Variants in ESYT3 observed in about 807,000 individuals in gnomAD.
The protein encoded by ESYT3 is extended synaptotagmin-3.
In ESYT3, 101 loss-of-function variants were observed where a neutral mutation model predicts 111.5. The ratio of observed to expected loss-of-function variants is 0.91; its 90% CI spans 0.77 to 1.07. The LOEUF is 1.07. ESYT3 is among the 50% of genes least tolerant of loss of function. The pLI is 0.00. For synonymous variants in ESYT3, 416 were observed against 446.8 expected, an observed-to-expected ratio of 0.93 and a Z score of 0.87; for missense variants, 1,097 against 1,109.4, an observed-to-expected ratio of 0.99 and a Z score of 0.16.
chr3:138,470,604 A>G, intron 16 of ESYT3: 12 of 1,229,550 alleles, frequency 9.8e-6, no homozygotes, highest in Non-Finnish European at 1.2e-5. Context: ...AGAGCAGCAC[A>G]GCTCATCAGT....
chr3:138,469,032 C>A, intron 14 of ESYT3, 151 bp downstream of exon 14: 1 of 841,724 alleles, frequency 1.2e-6, no homozygotes. Context: ...TACTGTGTGC[C>A]AGGCACTAGG....
chr3:138,474,564 T>G (rs1160666689), intron 20 of ESYT3: 1 of 455,042 alleles, frequency 2.2e-6, no homozygotes, highest in African/African-American at 2.0e-5. Context: ...TTACTGCTCA[T>G]AGAGGCTAAA....
chr3:138,464,450 C>T lies in ESYT3; in HGVS notation c.1021C>T (p.Leu341=), dbSNP rs1412425122. ...SDPYAKVSIG[L]QHFRSRTIYR... Reference sequence around the variant, plus strand: ...TCCCTACGCCAAGGTGAGCATCGGCCTACAGCATTTCCGGAGTAGGACCAT... The same window carrying T: ...TCCCTACGCCAAGGTGAGCATCGGCTTACAGCATTTCCGGAGTAGGACCAT... The change falls in exon 9 of 23, where the codon CTA becomes TTA. Residue 341 remains leucine (L), a synonymous_variant. Coordinates refer to ENST00000389567, the MANE Select transcript of ESYT3 (RefSeq NM_031913.5). 3.7e-6 allele frequency: 6 copies of T among 1,614,028 alleles called. No homozygotes were observed. Among genetic ancestry groups the T allele is most frequent in the African/African-American group, 1.3e-5 (1 of 74,920 alleles).
At chr3:138,464,630 T>A in intron 9 of ESYT3, 115 bp downstream of exon 9, 1 of 1,139,990 alleles carries the variant, frequency 8.8e-7, no homozygotes, top group Non-Finnish European at 1.3e-6. Flanking sequence ...TCTGTGGAAT[T>A]CCTGCTCCTG....
In ESYT3 at chr3:138,472,918, G is replaced by T. The variant is rs1209123203; in HGVS notation, c.2237+59G>T. The T allele has an allele frequency of 1.2e-5, 18 of 1,549,628 alleles. No individual in the cohort carries two copies. In the East Asian group the frequency reaches 3.6e-4, roughly 31 times the overall value. On this transcript the variant is annotated intron_variant, in intron 18 of 22. Coordinates refer to ENST00000389567, the MANE Select transcript of ESYT3 (RefSeq NM_031913.5). ...CGCCTGTATGAAAAATACCTCGCTG[G>T]ATGGAAAAGTAGATATGAACTTACA...
At position 138,466,334 on chromosome 3, in the gene ESYT3, A is replaced by T. The variant is rs1040277550; in HGVS notation, c.1169+913A>T. On this transcript the variant is annotated intron_variant, in intron 10 of 22. Coordinates refer to ENST00000389567, the MANE Select transcript of ESYT3 (RefSeq NM_031913.5). ...GATCATGTAATTTTGAAAAGTAGAA[A>T]CAAAACAAACTGGGAGGGGGCACAA... is the stretch of plus-strand genomic sequence containing the variant. Among the ~76,000 whole-genome samples, 4 of 152,360 alleles carry T rather than the reference A, an allele frequency of 2.6e-5. No homozygotes were observed. In the South Asian group the frequency reaches 8.3e-4, roughly 32 times the overall value.
At position 138,459,937 on chromosome 3, in the gene ESYT3, C is replaced by T. The variant is rs2032528211; in HGVS notation, c.649-8C>T. ...TGGGCCCCTCACGGGCCCTCTGTGC[C>T]TATCCAGTTGCAGGGCACCCTGCGG... On this transcript the variant is annotated splice_polypyrimidine_tract_variant and splice_region_variant and intron_variant, in intron 5 of 22. Coordinates refer to ENST00000389567, the MANE Select transcript of ESYT3 (RefSeq NM_031913.5). The T allele has an allele frequency of 2.5e-6, 4 of 1,613,464 alleles. No individual in the cohort carries two copies. The highest frequency in any genetic ancestry group is 3.4e-6 in the Non-Finnish European group (4 of 1,179,604).
intron 8 of ESYT3, 64 bp from the exon 9 acceptor site, chr3:138,464,281 T>C (rs1408812364): frequency 2.5e-6 from 4 of 1,574,920 alleles, no homozygotes; most frequent in Non-Finnish European, 3.5e-6. Context: ...GTTTTAGCTC[T>C]GATACTCCAG....
chr3:138,473,202 G>T, intron 18 of ESYT3: 1 of 1,079,614 alleles, frequency 9.3e-7, no homozygotes, highest in Non-Finnish European at 1.2e-6. Flanking sequence ...TTTACTATGG[G>T]CTTAGCATGT....
chr3:138,448,014 T>C (rs939702747), intron 1 of ESYT3, among the ~76,000 whole-genome samples: 17 of 151,990 alleles, frequency 1.1e-4, no homozygotes, highest in African/African-American at 3.6e-4. Context: ...ATGCCTGTAA[T>C]CCCAACGCGT....
Position 138,468,051 on chromosome 3 carries a change from A to C in ESYT3, c.1219-54A>C. 5.3e-6 allele frequency: 8 copies of C among 1,522,266 alleles called. No individual in the cohort carries two copies. The South Asian group carries it at 9.0e-5, about 17-fold the overall frequency. The allele number at this position is 1,522,266 out of a possible 1,614,324, so 94.3% of individuals were successfully genotyped here. On this transcript the variant is annotated intron_variant, in intron 11 of 22. Transcript: ENST00000389567. ...CTCAGGACTGGGCTGCCCAGAGAGC[A>C]TCAGTAGCATCTCCCTGGCCCTTTT...
At chr3:138,459,710 A>G (rs1232567722) in intron 5 of ESYT3, among the ~76,000 whole-genome samples, 1 of 152,222 alleles carries the variant, frequency 6.6e-6, no homozygotes, top group Non-Finnish European at 1.5e-5. Context: ...CACCCGTGGA[A>G]GGCAGTGGGG....
At chr3:138,456,035 G>A (rs539723990) in intron 3 of ESYT3, among the ~76,000 whole-genome samples, 1 of 152,212 alleles carries the variant, frequency 6.6e-6, no homozygotes, top group Non-Finnish European at 1.5e-5. Flanking sequence ...TCCCAGCAAC[G>A]AGCAGGTGTC....
intron 13 of ESYT3, 29 bp from the exon 14 acceptor site, chr3:138,468,790 G>A (rs1393517012): frequency 6.2e-7 from 1 of 1,613,992 alleles, no homozygotes; most frequent in African/African-American, 1.3e-5. Flanking sequence ...GTCCTGTGTT[G>A]CTTTAACCCC....
At chr3:138,471,048 G>C (rs1023583211) in intron 17 of ESYT3, 22 bp downstream of exon 17, 3 of 1,599,634 alleles carry the variant, frequency 1.9e-6, no homozygotes, top group East Asian at 2.2e-5. Context: ...CGGTCCCCTG[G>C]GGGAGGGGAG....
rs747967272 is a variant in ESYT3, at chr3:138,467,621, G to T, written c.1218+12G>T. ...GAGTGGTGGATGAGGTACAGTTGGT[G>T]CTTGCAACCCTCGGGGGAGTTTCAA... On this transcript the variant is annotated intron_variant, in intron 11 of 22. Transcript: ENST00000389567. 1 of 1,613,934 alleles carries T rather than the reference G, an allele frequency of 6.2e-7. No homozygotes were observed. The highest frequency in any genetic ancestry group is 1.7e-5 in the Admixed American group (1 of 60,018).
At chr3:138,455,910 T>C (rs2032248346) in intron 3 of ESYT3, among the ~76,000 whole-genome samples, 1 of 152,240 alleles carries the variant, frequency 6.6e-6, no homozygotes, top group South Asian at 2.1e-4. Flanking sequence ...CTTGGTGCCC[T>C]ACGCCTCCTG....
intron 8 of ESYT3, among the ~76,000 whole-genome samples, chr3:138,464,005 G>T: frequency 6.6e-6 from 1 of 152,206 alleles, no homozygotes; most frequent in Middle Eastern, 3.2e-3. Flanking sequence ...CACAACAGAG[G>T]GGTCTGGAGT....
chr3:138,457,547 C>G (rs1053146170), intron 3 of ESYT3, 21 bp from the exon 4 acceptor site: 5 of 1,613,144 alleles, frequency 3.1e-6, no homozygotes, highest in Non-Finnish European at 4.2e-6. Context: ...TCTGACCTAG[C>G]CCTTTTGGCA....
Sources: gnomAD v4.1 joint callset for allele counts (sites outside exome capture counted in the v4.1 genomes callset) on GRCh38, gnomAD v4.1.1 for gene constraint, MANE v1.5 for transcripts, NCBI Gene and HGNC (gene_info 2026-07-23, HGNC 2026-07-21) for gene names.